Variants in TANC2 observed in about 807,000 individuals in gnomAD.
The protein encoded by TANC2 is protein TANC2.
In TANC2, 26 loss-of-function variants were observed where a neutral mutation model predicts 210.5. That is an observed-to-expected ratio of 0.12 (90% CI 0.09 to 0.17). The LOEUF (loss-of-function observed/expected upper bound fraction) is 0.17, where lower values mean the gene tolerates loss of function less well. TANC2 is among the 10% of genes least tolerant of loss of function. The probability of loss-of-function intolerance (pLI) is 1.00; values close to 1 mark genes in which losing one functional copy is unlikely to be tolerated. For synonymous variants in TANC2, 931 were observed against 967.1 expected, an observed-to-expected ratio of 0.96 and a Z score of 0.69; for missense variants, 2,129 against 2,608.9, an observed-to-expected ratio of 0.82 and a Z score of 4.01.
chr17:63,143,955 C>A (rs1187800119), intron 4 of TANC2, among the ~76,000 whole-genome samples: 1 of 151,884 alleles, frequency 6.6e-6, no homozygotes, highest in Non-Finnish European at 1.5e-5. Flanking sequence ...GAGTTTGAAA[C>A]CAGCCTGAAC....
intron 4 of TANC2, among the ~76,000 whole-genome samples, chr17:63,116,394 G>C (rs1305443392): frequency 2.0e-5 from 3 of 152,160 alleles, no homozygotes; most frequent in Admixed American, 2.0e-4. Flanking sequence ...CTATCCCCTG[G>C]AAGGGGGAGC....
chr17:63,202,430 G>A (rs2041565036), intron 7 of TANC2, among the ~76,000 whole-genome samples: 2 of 152,040 alleles, frequency 1.3e-5, no homozygotes, highest in Admixed American at 1.3e-4. Flanking sequence ...GCAGCTTTAT[G>A]TAGAATAAAG....
At chr17:63,143,583 A>ATT (rs2145333768) in intron 4 of TANC2, among the ~76,000 whole-genome samples, 1 of 152,290 alleles carries the variant, frequency 6.6e-6, no homozygotes, top group South Asian at 2.1e-4. Flanking sequence ...CTTTATTAAT[A>ATT]TATTTGTTAT....
intron 11 of TANC2, among the ~76,000 whole-genome samples, chr17:63,323,214 T>G (rs184231226): frequency 3.3e-5 from 5 of 152,354 alleles, no homozygotes; most frequent in African/African-American, 1.2e-4. Flanking sequence ...ATTTAAAGTG[T>G]TCTTGAAAAA....
intron 7 of TANC2, among the ~76,000 whole-genome samples, chr17:63,225,355 C>T (rs1435371545): frequency 6.6e-6 from 1 of 152,086 alleles, no homozygotes; most frequent in African/African-American, 2.4e-5. Context: ...CTTGCTTTGC[C>T]TAATTGTGTT....
At chr17:63,105,779 A>C (rs2037800586) in intron 4 of TANC2, among the ~76,000 whole-genome samples, 1 of 151,654 alleles carries the variant, frequency 6.6e-6, no homozygotes, top group Non-Finnish European at 1.5e-5. Flanking sequence ...CTCTATAGTC[A>C]AGATTTATTT....
At chr17:63,419,315 A>G (rs1051236252) in intron 27 of TANC2, among the ~76,000 whole-genome samples, 1 of 152,210 alleles carries the variant, frequency 6.6e-6, no homozygotes, top group African/African-American at 2.4e-5. Context: ...TCACAAGGTC[A>G]GTTGCCCCTG....
intron 9 of TANC2, among the ~76,000 whole-genome samples, chr17:63,268,974 T>G (rs1470455212): frequency 6.6e-6 from 1 of 152,204 alleles, no homozygotes; most frequent in Non-Finnish European, 1.5e-5. Flanking sequence ...AATTTTATCT[T>G]ACGGATGATT....
chr17:63,229,266 C>T (rs1328011025), intron 7 of TANC2, among the ~76,000 whole-genome samples: 1 of 152,124 alleles, frequency 6.6e-6, no homozygotes. Flanking sequence ...CCTTGCACCC[C>T]AGGGATGAAG....
intron 3 of TANC2, among the ~76,000 whole-genome samples, chr17:63,081,628 A>G (rs2036773656): frequency 6.6e-6 from 1 of 152,204 alleles, no homozygotes; most frequent in Non-Finnish European, 1.5e-5. Flanking sequence ...TAGTCTAAGT[A>G]ACCCATTATG....
intron 8 of TANC2, among the ~76,000 whole-genome samples, chr17:63,246,365 A>G (rs2146119005): frequency 6.6e-6 from 1 of 152,164 alleles, no homozygotes; most frequent in South Asian, 2.1e-4. Flanking sequence ...TTTCAAGTGT[A>G]CAATTCAGTA....
chr17:63,221,754 T>G (rs2042199135), intron 7 of TANC2, among the ~76,000 whole-genome samples: 1 of 152,176 alleles, frequency 6.6e-6, no homozygotes. Flanking sequence ...TACCAAAGAT[T>G]GGCAAAAATG....
intron 2 of TANC2, among the ~76,000 whole-genome samples, chr17:63,069,519 T>C (rs2036321110): frequency 1.3e-5 from 2 of 152,128 alleles, no homozygotes; most frequent in African/African-American, 4.8e-5. Flanking sequence ...TTGACCTCAG[T>C]TTTACAGATG....
chr17:63,035,877 A>AATTGAT (rs2034952287), intron 2 of TANC2, among the ~76,000 whole-genome samples: 1 of 152,164 alleles, frequency 6.6e-6, no homozygotes, highest in African/African-American at 2.4e-5. Flanking sequence ...TGATATTGTC[A>AATTGAT]ATTGTAAAAA....
chr17:63,073,021 C>T (rs1390849738), intron 2 of TANC2, among the ~76,000 whole-genome samples: 1 of 152,068 alleles, frequency 6.6e-6, no homozygotes, highest in Non-Finnish European at 1.5e-5. Context: ...GCAGCTACTA[C>T]CCCTTTTCCC....
chr17:63,244,892 A>T (rs2042874795), intron 8 of TANC2, among the ~76,000 whole-genome samples: 1 of 152,270 alleles, frequency 6.6e-6, no homozygotes, highest in South Asian at 2.1e-4. Context: ...TGGTTTTATA[A>T]AGGGGAGTAT....
chr17:62,989,098 AC>A (rs1177679073), intron 1 of TANC2, among the ~76,000 whole-genome samples: 1 of 152,184 alleles, frequency 6.6e-6, no homozygotes, highest in Admixed American at 6.5e-5. Flanking sequence ...GATACCTAGC[AC>A]CTTCTAGTTT....
intron 13 of TANC2, 87 bp from the exon 14 acceptor site, chr17:63,354,696 A>G: frequency 6.7e-7 from 1 of 1,489,432 alleles, no homozygotes; most frequent in East Asian, 2.3e-5. Flanking sequence ...CGAAGTTCAG[A>G]ATACATTTGT....
chr17:63,385,575 G>C (rs2047752616), intron 15 of TANC2, among the ~76,000 whole-genome samples: 1 of 152,224 alleles, frequency 6.6e-6, no homozygotes, highest in Non-Finnish European at 1.5e-5. Flanking sequence ...ATGGCCAAAT[G>C]AGAGTTTGTA....
Sources: allele counts gnomAD v4.1 joint callset (sites outside exome capture counted in the v4.1 genomes callset), GRCh38; gene constraint gnomAD v4.1.1; transcripts MANE v1.5; gene names NCBI Gene and HGNC (gene_info 2026-07-23, HGNC 2026-07-21).